Variants in SGCZ observed in about 807,000 individuals in gnomAD.
SGCZ encodes the protein zeta-sarcoglycan.
In SGCZ, 40 loss-of-function variants were observed where a neutral mutation model predicts 41.3. The ratio of observed to expected loss-of-function variants is 0.97; its 90% CI spans 0.75 to 1.26. The LOEUF is 1.26. Among genes scored for constraint, SGCZ ranks in the 50% most tolerant of loss-of-function variants. The probability of loss-of-function intolerance (pLI) is 0.00; values close to 1 mark genes in which losing one functional copy is unlikely to be tolerated. For synonymous variants in SGCZ, 206 were observed against 137.5 expected, an observed-to-expected ratio of 1.50 and a Z score of -3.49; for missense variants, 552 against 369.8, an observed-to-expected ratio of 1.49 and a Z score of -4.04.
intron 5 of SGCZ, among the ~76,000 whole-genome samples, chr8:14,144,756 G>T (rs1038652873): frequency 2.0e-5 from 3 of 152,138 alleles, no homozygotes; most frequent in Non-Finnish European, 4.4e-5. Flanking sequence ...CTATTGCCCT[G>T]AAGCATGAAT....
intron 2 of SGCZ, among the ~76,000 whole-genome samples, chr8:14,427,364 AAAAG>A (rs1186388546): frequency 3.3e-5 from 5 of 152,186 alleles, no homozygotes; most frequent in Admixed American, 3.3e-4. Flanking sequence ...AAACAAACAA[AAAAG>A]AAAGAAAGAA....
At chr8:14,860,751 T>C (rs201267032) in intron 1 of SGCZ, among the ~76,000 whole-genome samples, 1 of 103,178 alleles carries the variant, frequency 9.7e-6, no homozygotes, top group African/African-American at 4.5e-5. Context: ...AGTAAGTAAG[T>C]GAGGGAGGGA....
intron 1 of SGCZ, among the ~76,000 whole-genome samples, chr8:14,681,798 C>T (rs1808454894): frequency 6.6e-6 from 1 of 152,006 alleles, no homozygotes; most frequent in African/African-American, 2.4e-5. Flanking sequence ...TTTTAATGTT[C>T]TCCTCTTGCA....
intron 5 of SGCZ, among the ~76,000 whole-genome samples, chr8:14,157,875 C>T (rs1006246702): frequency 6.6e-6 from 1 of 152,118 alleles, no homozygotes; most frequent in African/African-American, 2.4e-5. Context: ...TCCTATAGAT[C>T]ATGATGTTAA....
chr8:14,684,957 C>A (rs920381430), intron 1 of SGCZ, among the ~76,000 whole-genome samples: 2 of 152,028 alleles, frequency 1.3e-5, no homozygotes, highest in Non-Finnish European at 2.9e-5. Flanking sequence ...AATTAAATTT[C>A]TAAATGTACA....
In SGCZ at chr8:14,604,431, T is replaced by A. The variant is rs80088983; in HGVS notation, c.40-49505A>T. Among the ~76,000 whole-genome samples the A allele has an allele frequency of 8.9e-3, 1,355 of 152,148 alleles. 5 individuals carry two copies. Among genetic ancestry groups the A allele is most frequent in the South Asian group, 0.016 (78 of 4,830 alleles). Reference sequence around the variant, plus strand: ...AATCTATAAGCCATGATTTTTTTTTTATCTGTGCACTAGAGCTTGAAATAT... The same window carrying A: ...AATCTATAAGCCATGATTTTTTTTTAATCTGTGCACTAGAGCTTGAAATAT... On this transcript the variant is annotated intron_variant, in intron 1 of 7. Coordinates refer to ENST00000382080, the MANE Select transcript of SGCZ (RefSeq NM_139167.4).
chr8:14,344,484 TA>T (rs1370363416), intron 2 of SGCZ, among the ~76,000 whole-genome samples: 22 of 152,012 alleles, frequency 1.4e-4, no homozygotes, highest in Non-Finnish European at 1.8e-4. Flanking sequence ...TAAAAAATTA[TA>T]AGAAACAGAG....
At chr8:14,715,891 G>C (rs535290260) in intron 1 of SGCZ, among the ~76,000 whole-genome samples, 21 of 151,996 alleles carry the variant, frequency 1.4e-4, no homozygotes, top group Non-Finnish European at 2.8e-4. Context: ...AGTAGGAGCT[G>C]GCATGAACAC....
intron 1 of SGCZ, among the ~76,000 whole-genome samples, chr8:15,152,528 G>C (rs1385519585): frequency 6.6e-6 from 1 of 152,210 alleles, no homozygotes. Flanking sequence ...TGTCAAAACA[G>C]GTGGAGGCAA....
Position 14,725,405 on chromosome 8 carries a change from G to A in SGCZ, c.40-170479C>T, listed in dbSNP as rs1424340051. Among the ~76,000 whole-genome samples the A allele has an allele frequency of 3.3e-5, 5 of 152,102 alleles. No individual in the cohort carries two copies. The South Asian group carries it at 6.2e-4, about 19-fold the overall frequency. ...TATAATCCTAGTTTTTTGAGGAACCGTTTTCCTTATGACTATACTAATTTA... is the reference window on the plus strand; with the variant it reads ...TATAATCCTAGTTTTTTGAGGAACCATTTTCCTTATGACTATACTAATTTA... On this transcript the variant is annotated intron_variant, in intron 1 of 7. Coordinates refer to ENST00000382080, the MANE Select transcript of SGCZ (RefSeq NM_139167.4).
intron 3 of SGCZ, among the ~76,000 whole-genome samples, chr8:14,240,381 A>G (rs1256525277): frequency 6.6e-6 from 1 of 151,140 alleles, no homozygotes; most frequent in Non-Finnish European, 1.5e-5. Flanking sequence ...AAGTTTAATC[A>G]TTCCGCATCT....
chr8:15,224,600 T>C (rs1019282183), intron 1 of SGCZ, among the ~76,000 whole-genome samples: 8 of 152,094 alleles, frequency 5.3e-5, no homozygotes, highest in African/African-American at 1.2e-4. Context: ...GATATTACAA[T>C]AAACGTAAAT....
chr8:14,674,005 T>C (rs1808193730), intron 1 of SGCZ, among the ~76,000 whole-genome samples: 1 of 152,162 alleles, frequency 6.6e-6, no homozygotes, highest in African/African-American at 2.4e-5. Flanking sequence ...TTAAATGCTT[T>C]AAAGTGATCC....
intron 2 of SGCZ, among the ~76,000 whole-genome samples, chr8:14,445,958 G>C (rs1392787324): frequency 6.6e-6 from 1 of 152,242 alleles, no homozygotes; most frequent in East Asian, 1.9e-4. Flanking sequence ...TGGAGTGGCT[G>C]GCCAGATCCC....
Position 14,669,617 on chromosome 8 carries a change from T to TC in SGCZ, c.40-114692dup, listed in dbSNP as rs138364093. On this transcript the variant is annotated intron_variant, in intron 1 of 7. Coordinates refer to ENST00000382080, the MANE Select transcript of SGCZ (RefSeq NM_139167.4). Reference sequence around the variant, plus strand: ...AATTATTTCACTTAGCAGAATGGCCTCCAGGTCCATACATGTTATCACAAA... The same window carrying TC: ...AATTATTTCACTTAGCAGAATGGCCTCCCAGGTCCATACATGTTATCACAAA... 7.9e-5 allele frequency among the ~76,000 whole-genome samples: 12 copies of TC among 151,982 alleles called. 1 individual carries two copies. The highest frequency in any genetic ancestry group is 2.9e-4 in the African/African-American group (12 of 41,460).
At chr8:14,596,372 A>C (rs1261434228) in intron 1 of SGCZ, among the ~76,000 whole-genome samples, 1 of 152,168 alleles carries the variant, frequency 6.6e-6, no homozygotes, top group Non-Finnish European at 1.5e-5. Flanking sequence ...TTGAATCTTA[A>C]AATATTTGAT....
intron 1 of SGCZ, among the ~76,000 whole-genome samples, chr8:15,190,895 G>C (rs1391322151): frequency 6.6e-6 from 1 of 152,036 alleles, no homozygotes; most frequent in East Asian, 1.9e-4. Context: ...AAGGTATACA[G>C]TTAGTTCTTC....
chr8:14,148,067 G>C (rs1242361052), intron 5 of SGCZ, among the ~76,000 whole-genome samples: 1 of 151,932 alleles, frequency 6.6e-6, no homozygotes, highest in Non-Finnish European at 1.5e-5. Flanking sequence ...TACTCAGAGG[G>C]ACCATTATAG....
chr8:14,865,890 G>C (rs1298452495), intron 1 of SGCZ, among the ~76,000 whole-genome samples: 1 of 152,066 alleles, frequency 6.6e-6, no homozygotes, highest in Non-Finnish European at 1.5e-5. Context: ...ATGGAGTTAG[G>C]TGCTTACAGT....
Sources: gnomAD v4.1 joint callset for allele counts (sites outside exome capture counted in the v4.1 genomes callset) on GRCh38, gnomAD v4.1.1 for gene constraint, MANE v1.5 for transcripts, NCBI Gene and HGNC (gene_info 2026-07-23, HGNC 2026-07-21) for gene names.